RIMS2: variants seen among roughly 807,000 people sequenced by gnomAD.
RIMS2 encodes the protein regulating synaptic membrane exocytosis 2.
A neutral mutation model predicts 174.4 loss-of-function variants in RIMS2; 59 were observed. The observed-to-expected ratio is 0.34, with a 90% CI of 0.27 to 0.42. RIMS2 has a LOEUF of 0.42. Among genes scored for constraint, RIMS2 ranks in the 10% least tolerant of loss-of-function variants. The pLI is 1.00. For missense variants in RIMS2, 1,620 were observed against 1,666.3 expected, an observed-to-expected ratio of 0.97 and a Z score of 0.48; for synonymous variants, 606 against 572.5, an observed-to-expected ratio of 1.06 and a Z score of -0.84.
chr8:103,759,426 G>T (rs367550084), intron 2 of RIMS2, among the ~76,000 whole-genome samples: 137 of 152,012 alleles, frequency 9.0e-4, no homozygotes, highest in African/African-American at 3.2e-3. Context: ...TTAGCTGGGC[G>T]TGGCGGTGGG....
intron 19 of RIMS2, among the ~76,000 whole-genome samples, chr8:104,033,623 T>G (rs2096447898): frequency 6.6e-6 from 1 of 152,068 alleles, no homozygotes; most frequent in African/African-American, 2.4e-5. Context: ...TATAGTTTTT[T>G]TTTTGTTTTG....
chr8:103,933,699 TA>T (rs1286434671), intron 12 of RIMS2, among the ~76,000 whole-genome samples: 1 of 152,188 alleles, frequency 6.6e-6, no homozygotes, highest in East Asian at 1.9e-4. Flanking sequence ...CTTTATTGAT[TA>T]GGTTGTGTCA....
At chr8:103,903,303 T>C (rs548988693) in intron 4 of RIMS2, among the ~76,000 whole-genome samples, 2 of 152,236 alleles carry the variant, frequency 1.3e-5, no homozygotes, top group East Asian at 3.9e-4. Context: ...TATAAAACTC[T>C]TTCTGTTACA....
chr8:103,779,126 CT>C (rs1390031662), intron 3 of RIMS2, among the ~76,000 whole-genome samples: 1 of 152,070 alleles, frequency 6.6e-6, no homozygotes, highest in Non-Finnish European at 1.5e-5. Flanking sequence ...TGTTTGAGCT[CT>C]TTATATATTC....
intron 19 of RIMS2, among the ~76,000 whole-genome samples, chr8:104,083,149 T>C (rs1251736271): frequency 6.6e-6 from 1 of 152,156 alleles, no homozygotes; most frequent in African/African-American, 2.4e-5. Flanking sequence ...ATTTGCCCTA[T>C]CCCTGAATTT....
At chr8:104,190,337 A>G (rs142009274) in intron 19 of RIMS2, among the ~76,000 whole-genome samples, 3 of 151,842 alleles carry the variant, frequency 2.0e-5, no homozygotes, top group Admixed American at 1.3e-4. Context: ...ATAAAAAGAT[A>G]AGGATCCTTA....
intron 19 of RIMS2, among the ~76,000 whole-genome samples, chr8:104,058,497 A>C (rs944120039): frequency 6.7e-6 from 1 of 149,722 alleles, no homozygotes. Flanking sequence ...GGTTGCAAAA[A>C]TTTTCTCCCA....
exon 10 of RIMS2, chr8:103,921,730 C>T (rs1395769370): frequency 1.9e-6 from 3 of 1,580,944 alleles, no homozygotes; most frequent in South Asian, 1.1e-5. Context: ...TTACCTCTCC[C>T]ATGAGTCCTG....
At chr8:104,180,441 A>G (rs1311271023) in intron 19 of RIMS2, among the ~76,000 whole-genome samples, 1 of 151,206 alleles carries the variant, frequency 6.6e-6, no homozygotes, top group African/African-American at 2.4e-5. Flanking sequence ...CAGATTATTA[A>G]TTGGAGCAGT....
chr8:104,210,631 A>T (rs567583321), intron 19 of RIMS2, among the ~76,000 whole-genome samples: 5 of 152,316 alleles, frequency 3.3e-5, no homozygotes, highest in African/African-American at 1.2e-4. Flanking sequence ...ATAAATCTAC[A>T]TAAAAATTCA....
intron 1 of RIMS2, among the ~76,000 whole-genome samples, chr8:103,566,939 T>C (rs2132184511): frequency 6.6e-6 from 1 of 152,310 alleles, no homozygotes; most frequent in South Asian, 2.1e-4. Flanking sequence ...TTTTAGAACA[T>C]TTTGTTCTTT....
intron 1 of RIMS2, among the ~76,000 whole-genome samples, chr8:103,601,235 T>C (rs2094722022): frequency 6.6e-6 from 1 of 152,222 alleles, no homozygotes; most frequent in African/African-American, 2.4e-5. Context: ...TTTGTCCATT[T>C]TTGCTTTGGT....
intron 19 of RIMS2, among the ~76,000 whole-genome samples, chr8:104,095,861 C>T (rs1248502279): frequency 6.6e-6 from 1 of 152,088 alleles, no homozygotes. Flanking sequence ...GGATAGAACT[C>T]TACCCATTGA....
chr8:103,834,909 T>C (rs189131562), intron 3 of RIMS2, among the ~76,000 whole-genome samples: 1 of 151,866 alleles, frequency 6.6e-6, no homozygotes, highest in East Asian at 2.0e-4. Flanking sequence ...TAGCTGGGAC[T>C]ACAGGCATGC....
At chr8:103,819,363 T>A in intron 3 of RIMS2, 2 of 1,532,560 alleles carry the variant, frequency 1.3e-6, no homozygotes, top group Non-Finnish European at 1.7e-6. Flanking sequence ...TATCAACCTC[T>A]GTTCATTTAA....
At chr8:103,540,688 G>C (rs78303485) in intron 1 of RIMS2, among the ~76,000 whole-genome samples, 3 of 152,094 alleles carry the variant, frequency 2.0e-5, no homozygotes, top group African/African-American at 7.2e-5. Context: ...ATATAAGCCT[G>C]CCTGAGAAAG....
chr8:103,770,885 A>G (rs559258094), intron 3 of RIMS2, among the ~76,000 whole-genome samples: 95 of 152,300 alleles, frequency 6.2e-4, no homozygotes, highest in African/African-American at 2.2e-3. Flanking sequence ...AGTTTGAAGC[A>G]TTAGTAATTT....
intron 8 of RIMS2, among the ~76,000 whole-genome samples, chr8:103,917,986 A>G (rs1321613217): frequency 2.6e-5 from 4 of 152,218 alleles, no homozygotes; most frequent in Non-Finnish European, 4.4e-5. Context: ...AAAAATAAAT[A>G]AAATAAAATG....
At chr8:103,907,809 G>C (rs527449056) in intron 4 of RIMS2, among the ~76,000 whole-genome samples, 3 of 147,158 alleles carry the variant, frequency 2.0e-5, no homozygotes, top group Non-Finnish European at 3.0e-5. Flanking sequence ...GCAGTGGTGC[G>C]CTCCCGGCTC....
Sources: allele counts gnomAD v4.1 joint callset (sites outside exome capture counted in the v4.1 genomes callset), GRCh38; gene constraint gnomAD v4.1.1; transcripts MANE v1.5; gene names NCBI Gene and HGNC (gene_info 2026-07-23, HGNC 2026-07-21).